Variants in CTNNA3 observed in about 807,000 individuals in gnomAD.
CTNNA3 encodes the protein catenin alpha 3, also known as catenin alpha-3.
In CTNNA3, 76 loss-of-function variants were observed where a neutral mutation model predicts 95.7. The ratio of observed to expected loss-of-function variants is 0.79; its 90% CI spans 0.66 to 0.96. The LOEUF is 0.96. CTNNA3 is among the 40% of genes least tolerant of loss of function. The pLI is 0.00. For missense variants in CTNNA3, 1,191 were observed against 1,089.8 expected (o/e 1.09, Z -1.31); for synonymous variants, 431 against 374.4 (o/e 1.15, Z -1.74).
At chr10:67,536,768 A>T (rs528643981) in intron 4 of CTNNA3, among the ~76,000 whole-genome samples, 20 of 152,268 alleles carry the variant, frequency 1.3e-4, no homozygotes, top group South Asian at 8.3e-4. Flanking sequence ...CATTCATGGG[A>T]ATTTCTATGT....
chr10:66,331,568 C>T (rs2132321454), intron 12 of CTNNA3, among the ~76,000 whole-genome samples: 1 of 151,666 alleles, frequency 6.6e-6, no homozygotes, highest in African/African-American at 2.4e-5. Context: ...TAGCCAGGAC[C>T]CATTGCTTGT....
intron 17 of CTNNA3, among the ~76,000 whole-genome samples, chr10:65,944,221 C>G (rs150626230): frequency 1.7e-3 from 252 of 152,310 alleles, no homozygotes; most frequent in African/African-American, 5.9e-3. Flanking sequence ...CCAATATTTG[C>G]ACAGATCCCT....
At chr10:66,064,130 AG>A (rs546867553) in intron 15 of CTNNA3, among the ~76,000 whole-genome samples, 45 of 152,264 alleles carry the variant, frequency 3.0e-4, no homozygotes, top group Middle Eastern at 3.4e-3. Context: ...AGGAGAAGCA[AG>A]GCACCTTCTT....
upstream of CTNNA3, among the ~76,000 whole-genome samples, chr10:67,698,663 A>G (rs1364410515): frequency 6.6e-6 from 1 of 152,192 alleles, no homozygotes; most frequent in Non-Finnish European, 1.5e-5. Context: ...AAAAATATGT[A>G]ATTTTCTGAA....
intron 7 of CTNNA3, among the ~76,000 whole-genome samples, chr10:66,962,003 A>G (rs1314197124): frequency 1.3e-5 from 2 of 152,148 alleles, no homozygotes; most frequent in East Asian, 3.9e-4. Flanking sequence ...TAAGTCTCTC[A>G]TTTTACTAAC....
At chr10:66,309,149 G>T (rs1240552546) in intron 12 of CTNNA3, among the ~76,000 whole-genome samples, 1 of 152,066 alleles carries the variant, frequency 6.6e-6, no homozygotes, top group African/African-American at 2.4e-5. Flanking sequence ...GTTTATGCAG[G>T]CATTTTAGAG....
At chr10:67,024,152 C>T (rs1478174327) in intron 7 of CTNNA3, among the ~76,000 whole-genome samples, 1 of 152,152 alleles carries the variant, frequency 6.6e-6, no homozygotes, top group Non-Finnish European at 1.5e-5. Context: ...TGTTTCCTTG[C>T]CTCTCTAGCT....
chr10:67,170,030 C>T (rs765697668), intron 7 of CTNNA3, among the ~76,000 whole-genome samples: 8 of 152,144 alleles, frequency 5.3e-5, no homozygotes, highest in Non-Finnish European at 1.2e-4. Context: ...AGCTCAATAA[C>T]ACTGATCATT....
At chr10:67,371,028 G>A (rs1164246386) in intron 5 of CTNNA3, among the ~76,000 whole-genome samples, 1 of 150,906 alleles carries the variant, frequency 6.6e-6, no homozygotes, top group Non-Finnish European at 1.5e-5. Flanking sequence ...CGCTACGCCC[G>A]GCTAATTTTT....
intron 3 of CTNNA3, among the ~76,000 whole-genome samples, chr10:67,606,461 G>A (rs568187149): frequency 2.0e-5 from 3 of 152,290 alleles, no homozygotes; most frequent in South Asian, 2.1e-4. Flanking sequence ...GAGATGGTCA[G>A]GTCTGAAACT....
intron 3 of CTNNA3, among the ~76,000 whole-genome samples, chr10:67,543,450 T>C (rs1372434355): frequency 6.6e-6 from 1 of 152,094 alleles, no homozygotes; most frequent in Non-Finnish European, 1.5e-5. Context: ...ACAAGTTCCT[T>C]TGCTTCATTT....
At chr10:66,678,907 C>T (rs527266271) in intron 9 of CTNNA3, among the ~76,000 whole-genome samples, 16 of 152,142 alleles carry the variant, frequency 1.1e-4, no homozygotes, top group Middle Eastern at 3.4e-3. Context: ...GGGAGAGCAG[C>T]GCATGTAAAG....
At chr10:66,694,144 T>A (rs1334769439) in intron 9 of CTNNA3, among the ~76,000 whole-genome samples, 6 of 151,918 alleles carry the variant, frequency 3.9e-5, no homozygotes, top group African/African-American at 1.5e-4. Flanking sequence ...AGACACAAAG[T>A]ACCCTTCAAA....
intron 5 of CTNNA3, among the ~76,000 whole-genome samples, chr10:67,428,186 C>T (rs1845985479): frequency 6.6e-6 from 1 of 151,958 alleles, no homozygotes; most frequent in Admixed American, 6.6e-5. Flanking sequence ...CTTGACAGTA[C>T]ATATGTAGTA....
At chr10:66,080,857 G>A (rs1273187236) in intron 14 of CTNNA3, among the ~76,000 whole-genome samples, 1 of 152,150 alleles carries the variant, frequency 6.6e-6, no homozygotes, top group Non-Finnish European at 1.5e-5. Flanking sequence ...CCCTCCTACA[G>A]AGAGTAGGAA....
Position 67,592,749 on chromosome 10 carries a change from T to C in CTNNA3, c.292+14108A>G, listed in dbSNP as rs186858520. Among the ~76,000 whole-genome samples, 63 of 152,296 alleles carry C rather than the reference T, an allele frequency of 4.1e-4. 2 individuals are homozygous for C. In the East Asian group the frequency reaches 0.012, roughly 29 times the overall value. On this transcript the variant is annotated intron_variant, in intron 3 of 17. Transcript: ENST00000433211. ...CACTGCTAGCAATAATAAGATAGAA[T>C]ACATATGACTAATCCTCTCACAAAT...
At chr10:66,379,528 T>G (rs529026160) in intron 11 of CTNNA3, among the ~76,000 whole-genome samples, 176 bp from the exon 12 acceptor site, 4 of 152,194 alleles carry the variant, frequency 2.6e-5, no homozygotes, top group African/African-American at 9.6e-5. Flanking sequence ...CCTTTATTCT[T>G]TAATAGCAAA....
At chr10:66,461,685 G>GTA (rs141247399) in intron 11 of CTNNA3, among the ~76,000 whole-genome samples, 6,073 of 139,990 alleles carry the variant, frequency 0.043, 291 homozygotes, top group East Asian at 0.26. Context: ...ATATATATAT[G>GTA]TATATATATA....
intron 12 of CTNNA3, among the ~76,000 whole-genome samples, chr10:66,314,342 G>A (rs1449583595): frequency 6.6e-6 from 1 of 152,122 alleles, no homozygotes; most frequent in African/African-American, 2.4e-5. Flanking sequence ...AAAAAGGCTA[G>A]AAATTAGATT....
Sources: gnomAD v4.1 joint callset for allele counts (sites outside exome capture counted in the v4.1 genomes callset) on GRCh38, gnomAD v4.1.1 for gene constraint, MANE v1.5 for transcripts, NCBI Gene and HGNC (gene_info 2026-07-23, HGNC 2026-07-21) for gene names.